GNG12: variants seen among roughly 807,000 people sequenced by gnomAD.
GNG12 encodes guanine nucleotide-binding protein G(I)/G(S)/G(O) subunit gamma-12.
For missense variants in GNG12, 69 were observed against 83.8 expected, an observed-to-expected ratio of 0.82 and a Z score of 0.69; for synonymous variants, 28 against 29.7, an observed-to-expected ratio of 0.94 and a Z score of 0.19.
chr1:67,738,306 T>C (rs1259678845), intron 2 of GNG12, among the ~76,000 whole-genome samples: 1 of 152,222 alleles, frequency 6.6e-6, no homozygotes, highest in African/African-American at 2.4e-5. Flanking sequence ...TATCAGTTAG[T>C]GATTTCGTTT....
intron 2 of GNG12, among the ~76,000 whole-genome samples, chr1:67,766,106 GCACACACACACACA>G (rs59348663): frequency 2.0e-3 from 277 of 139,754 alleles, no homozygotes; most frequent in East Asian, 0.018. Context: ...AGGCACACAC[GCACACACACACACA>G]CACACACACA....
intron 1 of GNG12, among the ~76,000 whole-genome samples, chr1:67,825,558 G>A (rs1230710640): frequency 6.6e-6 from 1 of 152,206 alleles, no homozygotes; most frequent in East Asian, 1.9e-4. Flanking sequence ...TTGGTACTAA[G>A]GGGAACACAG....
chr1:67,803,556 G>A (rs1444040622), intron 1 of GNG12, among the ~76,000 whole-genome samples: 2 of 152,142 alleles, frequency 1.3e-5, no homozygotes, highest in East Asian at 3.9e-4. Flanking sequence ...TTCTTCATGG[G>A]TGAGCCTCCT....
intron 1 of GNG12, among the ~76,000 whole-genome samples, chr1:67,785,115 A>C (rs1383829488): frequency 7.1e-5 from 2 of 28,122 alleles, no homozygotes; most frequent in Non-Finnish European, 1.7e-4. Flanking sequence ...TATTTTGTGC[A>C]AAATGGATTA....
chr1:67,729,442 C>T (rs1015867439), intron 2 of GNG12, among the ~76,000 whole-genome samples: 3 of 152,192 alleles, frequency 2.0e-5, no homozygotes, highest in African/African-American at 7.2e-5. Context: ...AGACTCAAAA[C>T]TTTAGTTCTG....
intron 1 of GNG12, among the ~76,000 whole-genome samples, chr1:67,825,990 A>G (rs1647008478): frequency 6.6e-6 from 1 of 152,248 alleles, no homozygotes; most frequent in South Asian, 2.1e-4. Context: ...TTTGTTTCCT[A>G]GCATATATAA....
intron 1 of GNG12, among the ~76,000 whole-genome samples, chr1:67,828,232 TA>T (rs1453766659): frequency 6.6e-6 from 1 of 152,200 alleles, no homozygotes; most frequent in Non-Finnish European, 1.5e-5. Flanking sequence ...CTGCTATGGC[TA>T]AAGAGTGGCA....
intron 1 of GNG12, among the ~76,000 whole-genome samples, chr1:67,814,850 CTT>C (rs1428039741): frequency 6.6e-5 from 10 of 152,212 alleles, no homozygotes; most frequent in Admixed American, 6.5e-4. Flanking sequence ...CTGAAGCTCT[CTT>C]GAGTTGTACT....
At chr1:67,806,957 C>T (rs752048651) in intron 1 of GNG12, among the ~76,000 whole-genome samples, 8 of 152,078 alleles carry the variant, frequency 5.3e-5, no homozygotes, top group Non-Finnish European at 1.0e-4. Context: ...CTATAGACTA[C>T]TTCATCCAAC....
intron 2 of GNG12, among the ~76,000 whole-genome samples, chr1:67,708,311 T>A (rs1457177263): frequency 6.6e-6 from 1 of 152,120 alleles, no homozygotes; most frequent in African/African-American, 2.4e-5. Flanking sequence ...CATGAAAGAG[T>A]GAAAACTTTC....
rs188664309 is a variant in GNG12 at position 67,702,077 on chromosome 1, A to T, written c.*3374T>A. ...TGAAGCGCCTTGTCCAAGGTCACAC[A>T]GCACAGGACAGACTGGGAAATGATC... On this transcript the variant is annotated 3_prime_UTR_variant, in exon 4 of 4. Coordinates refer to ENST00000370982, the MANE Select transcript of GNG12 (RefSeq NM_018841.6). 1.5e-3 allele frequency: 237 copies of T among 153,000 alleles called. 1 individual carries two copies. The highest frequency in any genetic ancestry group is 5.5e-3 in the African/African-American group (228 of 41,604). The allele number at this position is 153,000 out of a possible 1,614,324, so 9.5% of individuals were successfully genotyped here. A position where few individuals can be genotyped will look rare whatever the true frequency, so the allele number is the denominator to read the frequency against.
chr1:67,707,585 GCTT>G lies in GNG12; in HGVS notation c.93+6_93+8del, dbSNP rs1244557363. On this transcript the variant is annotated splice_donor_region_variant and intron_variant, in intron 3 of 3. Transcript: ENST00000370982. The stretch of plus-strand genomic sequence containing the variant: ...AGAAAGCATATGTTATCCAGTCGGG[GCTT>G]CTTACCTTTATTCTTTCAATGGAGG... The G allele has an allele frequency of 1.4e-6, 2 of 1,421,168 alleles. No individual in the cohort carries two copies. Among genetic ancestry groups the G allele is most frequent in the Non-Finnish European group, 2.0e-6 (2 of 1,010,088 alleles). 88.0% of individuals were successfully genotyped at this position (1,421,168 alleles called of 1,614,324 possible). A position where few individuals can be genotyped will look rare whatever the true frequency, so the allele number is the denominator to read the frequency against.
At chr1:67,798,123 C>T (rs1413761662) in intron 1 of GNG12, among the ~76,000 whole-genome samples, 1 of 152,164 alleles carries the variant, frequency 6.6e-6, no homozygotes, top group Non-Finnish European at 1.5e-5. Flanking sequence ...GGGTCCCCAA[C>T]TCCCAGGCAT....
At chr1:67,818,842 C>T (rs950969853) in intron 1 of GNG12, among the ~76,000 whole-genome samples, 2 of 152,088 alleles carry the variant, frequency 1.3e-5, no homozygotes, top group Admixed American at 6.5e-5. Flanking sequence ...TTATCACACC[C>T]GTTTCAGAGA....
chr1:67,743,147 G>A (rs1646491633), intron 2 of GNG12, among the ~76,000 whole-genome samples: 2 of 152,168 alleles, frequency 1.3e-5, no homozygotes, highest in Admixed American at 6.5e-5. Context: ...CATTTCTAGA[G>A]TGTTACCATG....
intron 2 of GNG12, among the ~76,000 whole-genome samples, chr1:67,770,253 C>A (rs1646666264): frequency 6.6e-6 from 1 of 152,198 alleles, no homozygotes; most frequent in Admixed American, 6.5e-5. Flanking sequence ...TTTGGTAATG[C>A]TCTGATTCCT....
Position 67,705,353 on chromosome 1 carries a change from T to A in GNG12, c.*98A>T. The stretch of plus-strand genomic sequence containing the variant: ...TCCAAGCTGAGAACATTTTAGTTAT[T>A]AGCAGTGGTTACCAAATAAGCTGAA... On this transcript the variant is annotated 3_prime_UTR_variant, in exon 4 of 4. Transcript: ENST00000370982. 1 of 1,520,174 alleles carries A rather than the reference T, an allele frequency of 6.6e-7. No individual in the cohort carries two copies. The highest frequency in any genetic ancestry group is 8.8e-7 in the Non-Finnish European group (1 of 1,137,954). The allele number at this position is 1,520,174 out of a possible 1,614,324, so 94.2% of individuals were successfully genotyped here.
chr1:67,729,527 C>A (rs1332062545), intron 2 of GNG12, among the ~76,000 whole-genome samples: 1 of 152,092 alleles, frequency 6.6e-6, no homozygotes, highest in Non-Finnish European at 1.5e-5. Flanking sequence ...CTAATCAGCA[C>A]CTCCCTTCCG....
intron 2 of GNG12, among the ~76,000 whole-genome samples, chr1:67,745,894 T>C (rs1034662741): frequency 6.6e-6 from 1 of 152,234 alleles, no homozygotes; most frequent in Non-Finnish European, 1.5e-5. Flanking sequence ...TCTGTCTATA[T>C]CCCTGCAACT....
Sources: allele counts gnomAD v4.1 joint callset (sites outside exome capture counted in the v4.1 genomes callset), GRCh38; gene constraint gnomAD v4.1.1; transcripts MANE v1.5; gene names NCBI Gene and HGNC (gene_info 2026-07-23, HGNC 2026-07-21).